Variants in TCF7L2 observed in about 807,000 individuals in gnomAD.
The protein encoded by TCF7L2 is transcription factor 7-like 2.
TCF7L2 carries 23 observed loss-of-function variants against 77.9 expected under a neutral mutation model. That is an observed-to-expected ratio of 0.30 (90% CI 0.21 to 0.42). The LOEUF (loss-of-function observed/expected upper bound fraction) is 0.42. Ranked by LOEUF, TCF7L2 falls within the 10% of genes least tolerant of loss-of-function variation. The pLI, the probability that TCF7L2 is intolerant of heterozygous loss-of-function variation, is 1.00. For missense variants in TCF7L2, 654 were observed against 793.1 expected (o/e 0.82, Z 2.11); for synonymous variants, 413 against 340.2 (o/e 1.21, Z -2.36).
chr10:113,013,318 C>T (rs565940846), intron 4 of TCF7L2, among the ~76,000 whole-genome samples: 11 of 152,224 alleles, frequency 7.2e-5, no homozygotes, highest in Non-Finnish European at 1.5e-4. Context: ...GGGGTTTCAC[C>T]ATGTTGCCCA....
chr10:113,060,745 G>A (rs554432375), intron 5 of TCF7L2, among the ~76,000 whole-genome samples: 1 of 152,150 alleles, frequency 6.6e-6, no homozygotes, highest in African/African-American at 2.4e-5. Context: ...GTGTGATCAT[G>A]GAATGCCCAA....
At chr10:112,954,679 A>G (rs1009124016) in intron 3 of TCF7L2, among the ~76,000 whole-genome samples, 1 of 152,224 alleles carries the variant, frequency 6.6e-6, no homozygotes, top group African/African-American at 2.4e-5. Context: ...TAACCTATTA[A>G]AGTTGATTGG....
At chr10:113,126,804 C>A in intron 5 of TCF7L2, 1 of 986,430 alleles carries the variant, frequency 1.0e-6, no homozygotes. Flanking sequence ...CGGCGCGGGC[C>A]CTGGGCAGCA....
intron 5 of TCF7L2, among the ~76,000 whole-genome samples, chr10:113,104,499 C>T (rs922370297): frequency 3.9e-5 from 6 of 152,180 alleles, no homozygotes; most frequent in Admixed American, 1.3e-4. Flanking sequence ...TTACCCCTAA[C>T]GCCGTCTCCC....
In TCF7L2 at chr10:113,134,662, C is replaced by T. The variant is rs569018034; in HGVS notation, c.553-6522C>T. 8.5e-4 allele frequency among the ~76,000 whole-genome samples: 129 copies of T among 152,294 alleles called. 2 individuals are homozygous for T. The South Asian group carries it at 0.026, about 31-fold the overall frequency. On this transcript the variant is annotated intron_variant, in intron 5 of 13. Coordinates refer to ENST00000627217, the MANE Select transcript of TCF7L2 (RefSeq NM_001146274.2). ...ACTTTTATTAACGTTTTAGCGGTTG[C>T]CATTGGTCTTGCTGCAGCCATAGTA...
intron 4 of TCF7L2, among the ~76,000 whole-genome samples, chr10:113,002,806 C>G (rs1180288316): frequency 6.6e-6 from 1 of 152,120 alleles, no homozygotes; most frequent in Non-Finnish European, 1.5e-5. Flanking sequence ...AAAATAAAAA[C>G]CACATTATCC....
At chr10:113,145,745 A>G (rs958661266) in intron 7 of TCF7L2, among the ~76,000 whole-genome samples, 1 of 152,206 alleles carries the variant, frequency 6.6e-6, no homozygotes, top group Non-Finnish European at 1.5e-5. Context: ...TTACAACAAA[A>G]CACCTAGTTT....
At position 112,982,717 on chromosome 10, in the gene TCF7L2, C is replaced by T. The variant is rs142832099; in HGVS notation, c.450+18093C>T. 5.5e-3 allele frequency among the ~76,000 whole-genome samples: 841 copies of T among 152,270 alleles called. 10 individuals are homozygous for T. The highest frequency in any genetic ancestry group is 0.019 in the African/African-American group (782 of 41,540). ...CTCATTGCAGCCTCCATCCACCTCC[C>T]GGATTCAAACAATTCTCCTGCCTCA... On this transcript the variant is annotated intron_variant, in intron 4 of 13. Coordinates refer to ENST00000627217, the MANE Select transcript of TCF7L2 (RefSeq NM_001146274.2).
At chr10:113,058,389 A>G (rs1418152238) in intron 5 of TCF7L2, among the ~76,000 whole-genome samples, 1 of 152,176 alleles carries the variant, frequency 6.6e-6, no homozygotes, top group African/African-American at 2.4e-5. Flanking sequence ...AGAGTCTGCA[A>G]TGGGAAGATG....
chr10:113,096,602 C>T (rs375997730), intron 5 of TCF7L2, among the ~76,000 whole-genome samples: 162 of 152,056 alleles, frequency 1.1e-3, no homozygotes, highest in Non-Finnish European at 1.8e-3. Context: ...TTGGTGGAAG[C>T]GCCATAGGAG....
At chr10:113,035,787 C>T (rs956617762) in intron 4 of TCF7L2, among the ~76,000 whole-genome samples, 3 of 152,186 alleles carry the variant, frequency 2.0e-5, no homozygotes, top group Admixed American at 1.3e-4. Context: ...ATTTCAGTAT[C>T]TGTAAATAAG....
chr10:113,005,198 C>T (rs1463037447), intron 4 of TCF7L2, among the ~76,000 whole-genome samples: 1 of 152,142 alleles, frequency 6.6e-6, no homozygotes, highest in African/African-American at 2.4e-5. Context: ...GGTGGTCTAC[C>T]ACGCCGCCTG....
rs535030840 is a variant in TCF7L2 at position 112,976,828 on chromosome 10, A to G, written c.450+12204A>G. ...TCTTAGATTTTGATTCCAGCTCTCC[A>G]TCAGTGCGTGAATTTGCACTGCTGT... is the stretch of plus-strand genomic sequence containing the variant. On this transcript the variant is annotated intron_variant, in intron 4 of 13. Coordinates refer to ENST00000627217, the MANE Select transcript of TCF7L2 (RefSeq NM_001146274.2). Among the ~76,000 whole-genome samples, 9 of 152,300 alleles carry G rather than the reference A, an allele frequency of 5.9e-5. No individual in the cohort carries two copies. The South Asian group carries it at 6.2e-4, about 11-fold the overall frequency.
At chr10:113,134,708 A>G (rs866759714) in intron 5 of TCF7L2, among the ~76,000 whole-genome samples, 9 of 152,220 alleles carry the variant, frequency 5.9e-5, no homozygotes, top group South Asian at 2.1e-4. Flanking sequence ...GGAAAAATGC[A>G]TAGAGGTGGA....
intron 5 of TCF7L2, chr10:113,089,446 A>G (rs979052077): frequency 1.9e-6 from 3 of 1,612,668 alleles, no homozygotes; most frequent in Admixed American, 1.7e-5. Flanking sequence ...CAGCACTTCT[A>G]CCCCCCCTCA....
In TCF7L2 at chr10:113,167,012, A is replaced by T. The variant is rs1449118722; in HGVS notation, c.*1040A>T. 1 of 231,478 alleles carries T rather than the reference A, an allele frequency of 4.3e-6. No individual in the cohort carries two copies. The highest frequency in any genetic ancestry group is 8.5e-6 in the Non-Finnish European group (1 of 117,004). The allele number at this position is 231,478 out of a possible 1,614,324, so 14.3% of individuals were successfully genotyped here. A position where few individuals can be genotyped will look rare whatever the true frequency, so the allele number is the denominator to read the frequency against. On this transcript the variant is annotated 3_prime_UTR_variant, in exon 14 of 14. Transcript: ENST00000627217. Reference sequence around the variant, plus strand: ...ATCTTCGTTTCCCCTTTGAACTCCCAGTGGGATGCCCTACCCTGCGCCCTT... The same window carrying T: ...ATCTTCGTTTCCCCTTTGAACTCCCTGTGGGATGCCCTACCCTGCGCCCTT...
chr10:112,976,021 T>C (rs569826430), intron 4 of TCF7L2, among the ~76,000 whole-genome samples: 1 of 152,340 alleles, frequency 6.6e-6, no homozygotes, highest in South Asian at 2.1e-4. Context: ...TGGAGGTGAA[T>C]AGTTCAGTTC....
intron 4 of TCF7L2, among the ~76,000 whole-genome samples, chr10:113,014,855 TCAAC>T (rs1564786129): frequency 6.6e-6 from 1 of 152,116 alleles, no homozygotes; most frequent in Non-Finnish European, 1.5e-5. Context: ...ATGGGAGACT[TCAAC>T]CTTGGGAAAG....
intron 3 of TCF7L2, among the ~76,000 whole-genome samples, chr10:112,956,491 T>G (rs1237809016): frequency 1.3e-5 from 2 of 152,016 alleles, no homozygotes; most frequent in Non-Finnish European, 2.9e-5. Flanking sequence ...GGTGACACAT[T>G]TTAAAGTTTG....
Sources: allele counts gnomAD v4.1 joint callset (sites outside exome capture counted in the v4.1 genomes callset), GRCh38; gene constraint gnomAD v4.1.1; transcripts MANE v1.5; gene names NCBI Gene and HGNC (gene_info 2026-07-23, HGNC 2026-07-21).